XYLT1: variants seen among roughly 807,000 people sequenced by gnomAD.
XYLT1 encodes beta-D-xylosyltransferase 1.
In XYLT1, 36 loss-of-function variants were observed where a neutral mutation model predicts 91.3. The observed-to-expected ratio is 0.39, with a 90% CI of 0.30 to 0.52. The LOEUF (loss-of-function observed/expected upper bound fraction) is 0.52. Among genes scored for constraint, XYLT1 ranks in the 20% least tolerant of loss-of-function variants. The pLI, the probability that XYLT1 is intolerant of heterozygous loss-of-function variation, is 0.68. For missense variants in XYLT1, 1,242 were observed against 1,284.5 expected (o/e 0.97, Z 0.51); for synonymous variants, 588 against 532.0 (o/e 1.11, Z -1.45).
rs369232241 is a variant in XYLT1 at position 17,244,002 on chromosome 16, T to C, written c.913+14986A>G. On this transcript the variant is annotated intron_variant, in intron 3 of 11. Transcript: ENST00000261381. ...CATTGCAGGATGCTGAGCAGTATCC[T>C]TCGTGTCTACGCTTTAGATGCCAGT... is the stretch of plus-strand genomic sequence containing the variant. Among the ~76,000 whole-genome samples, 8 of 152,250 alleles carry C rather than the reference T, an allele frequency of 5.3e-5. No homozygotes were observed. The East Asian group carries it at 1.5e-3, about 29-fold the overall frequency.
intron 1 of XYLT1, among the ~76,000 whole-genome samples, chr16:17,390,790 C>T (rs914552429): frequency 6.6e-6 from 1 of 152,196 alleles, no homozygotes; most frequent in Non-Finnish European, 1.5e-5. Flanking sequence ...AATCCCAACA[C>T]TTTGGGAGCC....
intron 1 of XYLT1, among the ~76,000 whole-genome samples, chr16:17,363,493 C>T (rs2035409736): frequency 6.6e-6 from 1 of 152,214 alleles, no homozygotes; most frequent in Non-Finnish European, 1.5e-5. Context: ...TTTCCTCACA[C>T]AGCCTTTTCT....
intron 1 of XYLT1, among the ~76,000 whole-genome samples, chr16:17,360,646 C>T (rs2035368858): frequency 6.6e-6 from 1 of 152,230 alleles, no homozygotes; most frequent in African/African-American, 2.4e-5. Context: ...CCCTAAAGAG[C>T]CTCAGTCCAG....
At chr16:17,216,203 G>A (rs1443678464) in intron 3 of XYLT1, among the ~76,000 whole-genome samples, 3 of 152,092 alleles carry the variant, frequency 2.0e-5, no homozygotes, top group East Asian at 1.9e-4. Context: ...GAAGGGACTC[G>A]CAGGCTCAAT....
chr16:17,184,564 T>C (rs1368104285), intron 5 of XYLT1, among the ~76,000 whole-genome samples: 1 of 152,164 alleles, frequency 6.6e-6, no homozygotes, highest in African/African-American at 2.4e-5. Flanking sequence ...TAAAATCATA[T>C]CAAATTGAAA....
chr16:17,250,856 C>T (rs2033527618), intron 3 of XYLT1: 1 of 152,268 alleles, frequency 6.6e-6, no homozygotes, highest in Admixed American at 6.5e-5. Context: ...CATCACATCA[C>T]CCTCATTAGC....
intron 2 of XYLT1, among the ~76,000 whole-genome samples, chr16:17,318,398 C>T (rs931331046): frequency 1.1e-4 from 17 of 152,346 alleles, no homozygotes; most frequent in African/African-American, 3.6e-4. Context: ...CATTTCATCA[C>T]AAGGCCAAGA....
At chr16:17,264,130 T>C (rs1054421686) in intron 2 of XYLT1, among the ~76,000 whole-genome samples, 1 of 152,202 alleles carries the variant, frequency 6.6e-6, no homozygotes, top group African/African-American at 2.4e-5. Context: ...TACTACTATA[T>C]TGTTGGCTAT....
chr16:17,349,234 T>G (rs2035186788), intron 2 of XYLT1, among the ~76,000 whole-genome samples: 1 of 152,206 alleles, frequency 6.6e-6, no homozygotes, highest in Non-Finnish European at 1.5e-5. Flanking sequence ...GCCAAGTGAG[T>G]GATCTATAGC....
At chr16:17,441,748 G>C (rs2036534918) in intron 1 of XYLT1, among the ~76,000 whole-genome samples, 1 of 152,190 alleles carries the variant, frequency 6.6e-6, no homozygotes, top group Non-Finnish European at 1.5e-5. Context: ...GCAACACTAA[G>C]TGTCAGATAA....
Position 17,255,697 on chromosome 16 carries a change from T to C in XYLT1, c.913+3291A>G, listed in dbSNP as rs184583694. ...AAGGCAGAAAGGAAGCTTTTCTTTCTAAATCTTTCTATTTAAAAGTATCGT... is the reference window on the plus strand; with the variant it reads ...AAGGCAGAAAGGAAGCTTTTCTTTCCAAATCTTTCTATTTAAAAGTATCGT... On this transcript the variant is annotated intron_variant, in intron 3 of 11. Transcript: ENST00000261381. Among the ~76,000 whole-genome samples the C allele has an allele frequency of 5.0e-3, 759 of 152,286 alleles. 10 individuals carry two copies. Among genetic ancestry groups the C allele is most frequent in the Non-Finnish European group, 3.8e-3 (258 of 68,018 alleles).
chr16:17,202,724 C>CTTCATAGCA, intron 3 of XYLT1, among the ~76,000 whole-genome samples: 1 of 152,204 alleles, frequency 6.6e-6, no homozygotes, highest in East Asian at 1.9e-4. Flanking sequence ...GCATGTAACA[C>CTTCATAGCA]TGTCTGCAAT....
chr16:17,449,062 G>A (rs2036630889), intron 1 of XYLT1, among the ~76,000 whole-genome samples: 1 of 152,180 alleles, frequency 6.6e-6, no homozygotes, highest in Admixed American at 6.5e-5. Flanking sequence ...ACGTTTTGGT[G>A]GAGAAGGAAG....
At position 17,143,262 on chromosome 16, in the gene XYLT1, C is replaced by T. The variant is rs551717461; in HGVS notation, c.1371-1893G>A. ...TCACCATTTTCATTATCATCACTGT[C>T]ACTGCCACCATCATCATCATCTCCA... On this transcript the variant is annotated intron_variant, in intron 6 of 11. Transcript: ENST00000261381. Among the ~76,000 whole-genome samples, 8 of 152,162 alleles carry T rather than the reference C, an allele frequency of 5.3e-5. 1 individual carries two copies. The highest frequency in any genetic ancestry group is 1.2e-4 in the Non-Finnish European group (8 of 68,028).
rs573766160 is a variant in XYLT1 at position 17,312,467 on chromosome 16, T to C, written c.402+45545A>G. On this transcript the variant is annotated intron_variant, in intron 2 of 11. Transcript: ENST00000261381. The surrounding 1 kb of genome is among the most constrained non-coding windows in gnomAD (Gnocchi z 4.4). ...GCATTAACATGTTTTTCTTTCTAAC[T>C]TAAAAAAATAATAATTATAGACTCA... 6.6e-6 allele frequency among the ~76,000 whole-genome samples: 1 copy of C among 152,272 alleles called. No individual in the cohort carries two copies. The highest frequency in any genetic ancestry group is 2.1e-4 in the South Asian group (1 of 4,822).
intron 6 of XYLT1, among the ~76,000 whole-genome samples, chr16:17,150,442 TTC>T (rs1238864644): frequency 6.6e-6 from 1 of 152,198 alleles, no homozygotes; most frequent in Non-Finnish European, 1.5e-5. Context: ...CACCCCGCCC[TTC>T]TCTCTCTTCT....
At chr16:17,228,391 T>C (rs899395490) in intron 3 of XYLT1, among the ~76,000 whole-genome samples, 2 of 152,246 alleles carry the variant, frequency 1.3e-5, no homozygotes, top group African/African-American at 2.4e-5. Context: ...CCTGACTTCA[T>C]TGTGACTTGC....
Position 17,117,773 on chromosome 16 carries a change from G to A in XYLT1, c.2430C>T (p.Pro810=), listed in dbSNP as rs550125219. 114 of 1,614,186 alleles carry A rather than the reference G, an allele frequency of 7.1e-5. 3 individuals are homozygous for A. The South Asian group carries it at 1.2e-3, about 16-fold the overall frequency. ...ESTAEFTHYK[P]PLNLPLRPGV... The stretch of plus-strand genomic sequence containing the variant: ...CAGGCCTCAGGGGCAAGTTCAAAGG[G>A]GGCTTGTAGTGTGTGAATTCGGCAG... The change falls in exon 11 of 12, where the codon CCC becomes CCT. Residue 810 remains proline (P), a synonymous_variant. Coordinates refer to ENST00000261381, the MANE Select transcript of XYLT1 (RefSeq NM_022166.4).
At chr16:17,267,538 C>G (rs1424902104) in intron 2 of XYLT1, among the ~76,000 whole-genome samples, 2 of 152,196 alleles carry the variant, frequency 1.3e-5, no homozygotes, top group African/African-American at 2.4e-5. Flanking sequence ...TCCCGAGTAG[C>G]TGGGACTACA....
Sources: allele counts gnomAD v4.1 joint callset (sites outside exome capture counted in the v4.1 genomes callset), GRCh38; gene constraint gnomAD v4.1.1; non-coding constraint Gnocchi (gnomAD v3.1); transcripts MANE v1.5; gene names NCBI Gene and HGNC (gene_info 2026-07-23, HGNC 2026-07-21).